Variants in BCO2 observed in about 807,000 individuals in gnomAD.
The protein encoded by BCO2 is carotenoid-cleaving dioxygenase, mitochondrial.
A neutral mutation model predicts 65.8 loss-of-function variants in BCO2; 56 were observed. That is an observed-to-expected ratio of 0.85 (90% CI 0.69 to 1.06). The LOEUF (loss-of-function observed/expected upper bound fraction) is 1.06, where lower values mean the gene tolerates loss of function less well. BCO2 is among the 50% of genes least tolerant of loss of function. BCO2 has a pLI of 0.00. For missense variants in BCO2, 675 were observed against 698.5 expected (o/e 0.97, Z 0.38); for synonymous variants, 233 against 242.3 (o/e 0.96, Z 0.36).
At chr11:112,188,412 G>C (rs1867269775) in intron 2 of BCO2, among the ~76,000 whole-genome samples, 1 of 152,126 alleles carries the variant, frequency 6.6e-6, no homozygotes. Context: ...TCTGTATGCT[G>C]TTCTTTGTAT....
intron 8 of BCO2, among the ~76,000 whole-genome samples, chr11:112,202,650 G>T (rs1867765087): frequency 6.6e-6 from 1 of 152,074 alleles, no homozygotes; most frequent in Non-Finnish European, 1.5e-5. Flanking sequence ...AAGCATTGAA[G>T]ACACAGCTTC....
At chr11:112,193,160 A>G (rs1004436738) in intron 2 of BCO2, among the ~76,000 whole-genome samples, 1 of 151,120 alleles carries the variant, frequency 6.6e-6, no homozygotes, top group African/African-American at 2.4e-5. Flanking sequence ...TGTATTTTTT[A>G]GTAGAGATGG....
At chr11:112,212,519 A>G (rs1486774428) in intron 8 of BCO2, among the ~76,000 whole-genome samples, 1 of 152,218 alleles carries the variant, frequency 6.6e-6, no homozygotes, top group African/African-American at 2.4e-5. Flanking sequence ...ATGACTCATG[A>G]TTACAGTAAA....
chr11:112,178,635 A>C (rs1051332491), intron 1 of BCO2, among the ~76,000 whole-genome samples: 8 of 152,250 alleles, frequency 5.3e-5, no homozygotes, highest in African/African-American at 1.4e-4. Flanking sequence ...TTATACAACT[A>C]TGATTTTTAC....
chr11:112,176,907 A>G (rs1451464328), intron 1 of BCO2, among the ~76,000 whole-genome samples: 2 of 152,214 alleles, frequency 1.3e-5, no homozygotes, highest in African/African-American at 2.4e-5. Flanking sequence ...TTAGAATAGG[A>G]CAATGTCTCA....
intron 8 of BCO2, among the ~76,000 whole-genome samples, chr11:112,202,554 T>C (rs1237756099): frequency 6.6e-6 from 1 of 152,132 alleles, no homozygotes; most frequent in East Asian, 1.9e-4. Flanking sequence ...AGTCTTGGGA[T>C]TACAGGCATG....
Position 112,199,758 on chromosome 11 carries a change from C to A in BCO2, c.796C>A (p.His266Asn). 1 of 1,613,602 alleles carries A rather than the reference C, an allele frequency of 6.2e-7. No individual in the cohort carries two copies. The highest frequency in any genetic ancestry group is 1.1e-5 in the South Asian group (1 of 91,066). Residue 266 changes from histidine (H) to asparagine (N), a missense_variant, in exon 6 of 12, where the codon CAT (histidine) becomes AAT (asparagine). Transcript: ENST00000357685. Reference sequence around the variant, plus strand: ...GAAGGTGGACCTTGGGGAGACAATCCATGGAGTCCAGGTGATATGTTCTAT... The same window carrying A: ...GAAGGTGGACCTTGGGGAGACAATCAATGGAGTCCAGGTGATATGTTCTAT... The part of the protein sequence containing the change: ...PEKVDLGETI[H>N]GVQVICSIAS...
chr11:112,215,197 G>C (rs1452457673), intron 10 of BCO2: 1 of 474,892 alleles, frequency 2.1e-6, no homozygotes, highest in African/African-American at 2.0e-5. Context: ...GTGGGGTTAG[G>C]GTTGTTAGGA....
At chr11:112,185,659 A>G (rs1205201603) in intron 2 of BCO2, among the ~76,000 whole-genome samples, 1 of 152,168 alleles carries the variant, frequency 6.6e-6, no homozygotes, top group Non-Finnish European at 1.5e-5. Flanking sequence ...AAAACTTCAC[A>G]CTATCATAAG....
intron 1 of BCO2, among the ~76,000 whole-genome samples, chr11:112,178,074 AT>A (rs11480780): frequency 9.4e-4 from 133 of 141,524 alleles, no homozygotes; most frequent in East Asian, 1.2e-3. Context: ...ACACCCGGCT[AT>A]TTTTTTTTTT....
At chr11:112,187,975 A>G (rs990777774) in intron 2 of BCO2, among the ~76,000 whole-genome samples, 1 of 152,190 alleles carries the variant, frequency 6.6e-6, no homozygotes, top group African/African-American at 2.4e-5. Flanking sequence ...GCTTAGCACA[A>G]TACCTGGCAT....
intron 1 of BCO2, among the ~76,000 whole-genome samples, chr11:112,178,896 C>T (rs1412339515): frequency 6.6e-6 from 1 of 152,128 alleles, no homozygotes; most frequent in Non-Finnish European, 1.5e-5. Flanking sequence ...TTTATAACAA[C>T]GAGGTTGCTC....
chr11:112,216,216 G>A lies in BCO2; in HGVS notation c.1516-4G>A, dbSNP rs1408606232. On this transcript the variant is annotated splice_region_variant and splice_polypyrimidine_tract_variant and intron_variant, in intron 10 of 11. Transcript: ENST00000357685. ...TTATCAAATGCTTTTTTTGGGACTT[G>A]CAGGTTTGGAGAGAAGATGGCTTTT... is the stretch of plus-strand genomic sequence containing the variant. The A allele has an allele frequency of 1.2e-6, 2 of 1,610,098 alleles. No homozygotes were observed. The highest frequency in any genetic ancestry group is 1.1e-5 in the South Asian group (1 of 90,982).
At chr11:112,176,905 G>A (rs1866902463) in intron 1 of BCO2, among the ~76,000 whole-genome samples, 1 of 152,128 alleles carries the variant, frequency 6.6e-6, no homozygotes, top group Non-Finnish European at 1.5e-5. Flanking sequence ...AGTTAGAATA[G>A]GACAATGTCT....
intron 8 of BCO2, among the ~76,000 whole-genome samples, chr11:112,206,900 T>A (rs1160504126): frequency 6.6e-6 from 1 of 152,234 alleles, no homozygotes; most frequent in Non-Finnish European, 1.5e-5. Context: ...AAAGTTATAG[T>A]TTTCAGTATA....
chr11:112,194,778 T>C, intron 5 of BCO2, 23 bp downstream of exon 5: 1 of 1,496,544 alleles, frequency 6.7e-7, no homozygotes, highest in Non-Finnish European at 9.3e-7. Context: ...TAAAGGTCTT[T>C]TTAGAAATAA....
intron 2 of BCO2, among the ~76,000 whole-genome samples, chr11:112,192,765 G>C (rs1406630775): frequency 6.9e-6 from 1 of 145,610 alleles, no homozygotes; most frequent in East Asian, 2.0e-4. Flanking sequence ...CTCCTAAATT[G>C]CTGGGATTAC....
rs1426588993 is a variant in BCO2 at position 112,200,725 on chromosome 11, AC to A, written c.982del (p.Gln328SerfsTer42). The A allele has an allele frequency of 1.2e-6, 2 of 1,613,910 alleles. No individual in the cohort carries two copies. Among genetic ancestry groups the A allele is most frequent in the African/African-American group, 2.7e-5 (2 of 75,028 alleles). On this transcript the variant is annotated frameshift_variant, in exon 7 of 12. Transcript: ENST00000357685. LOFTEE classifies it high-confidence loss of function. Reference protein sequence around the residue: ...KAFSDGISWEPQCNTRFHVVE... With the variant: ...KAFSDGISWEXQCNTRFHVVE... ...CCTTTTCAGATGGGATAAGCTGGGA[AC>A]CCCAGTGTAATACGCGGTTTCATGT...
chr11:112,213,578 C>A, intron 8 of BCO2, 146 bp from the exon 9 acceptor site: 1 of 893,612 alleles, frequency 1.1e-6, no homozygotes, highest in Non-Finnish European at 1.7e-6. Flanking sequence ...AGTAGGTACT[C>A]AACAAATATT....
Sources: gnomAD v4.1 joint callset for allele counts (sites outside exome capture counted in the v4.1 genomes callset) on GRCh38, gnomAD v4.1.1 for gene constraint, MANE v1.5 for transcripts, NCBI Gene and HGNC (gene_info 2026-07-23, HGNC 2026-07-21) for gene names.